Variants in URB1 observed in about 807,000 individuals in gnomAD.
URB1 encodes nucleolar pre-ribosomal-associated protein 1.
URB1 carries 197 observed loss-of-function variants against 242.3 expected under a neutral mutation model. The ratio of observed to expected loss-of-function variants is 0.81; its 90% CI spans 0.72 to 0.91. The LOEUF is 0.91. Ranked by LOEUF, URB1 falls within the 40% of genes least tolerant of loss-of-function variation. The pLI is 0.00. For missense variants in URB1, 2,721 were observed against 2,860.5 expected (o/e 0.95, Z 1.11); for synonymous variants, 1,153 against 1,201.8 (o/e 0.96, Z 0.84).
intron 1 of URB1, among the ~76,000 whole-genome samples, chr21:32,392,314 A>G (rs938761940): frequency 1.3e-5 from 2 of 152,166 alleles, no homozygotes; most frequent in Admixed American, 1.3e-4. Context: ...GGTGGCTTCT[A>G]GTAGCTTGTT....
Position 32,357,622 on chromosome 21 carries a change from C to G in URB1, c.1904G>C (p.Arg635Pro). 1 of 1,516,068 alleles carries G rather than the reference C, an allele frequency of 6.6e-7. No individual in the cohort carries two copies. Among genetic ancestry groups the G allele is most frequent in the Non-Finnish European group, 8.8e-7 (1 of 1,132,974 alleles). 93.9% of individuals were successfully genotyped at this position (1,516,068 alleles called of 1,614,324 possible). A position where few individuals can be genotyped will look rare whatever the true frequency, so the allele number is the denominator to read the frequency against. Residue 635 changes from arginine to proline, a missense_variant, in exon 15 of 39, where the codon CGA (arginine) becomes CCA (proline). Coordinates refer to ENST00000382751, the MANE Select transcript of URB1 (RefSeq NM_014825.3). Reference protein sequence around the residue: ...GPDAEIIGGERSVFYLLMKMF... With the variant: ...GPDAEIIGGEPSVFYLLMKMF... ...TTTCATTAGTAAGTAAAATACTGAT[C>G]GTTCACCTCCAATAATTTCTGCATC...
At chr21:32,321,446 G>C (rs1247064658) in intron 34 of URB1, among the ~76,000 whole-genome samples, 3 of 152,078 alleles carry the variant, frequency 2.0e-5, no homozygotes, top group African/African-American at 4.8e-5. Context: ...ACTGACAGGG[G>C]GTTTCTAGAC....
intron 8 of URB1, among the ~76,000 whole-genome samples, chr21:32,369,790 G>A (rs138913674): frequency 6.6e-6 from 1 of 152,050 alleles, no homozygotes; most frequent in Non-Finnish European, 1.5e-5. Context: ...TCATTTAGCA[G>A]ATGAAAGAAG....
chr21:32,352,964 C>CTA lies in URB1; in HGVS notation c.2417-60_2417-59dup, dbSNP rs2033175493. The CTA allele has an allele frequency of 3.4e-6, 5 of 1,465,648 alleles. No homozygotes were observed. The South Asian group carries it at 7.0e-5, about 21-fold the overall frequency. The allele number at this position is 1,465,648 out of a possible 1,614,324, so 90.8% of individuals were successfully genotyped here. Reference sequence around the variant, plus strand: ...CTGGCTGGGCCCACCCTTCTGTGACCTACCAACACCACCTTCTTCCACATA... The same window carrying CTA: ...CTGGCTGGGCCCACCCTTCTGTGACCTATACCAACACCACCTTCTTCCACATA... On this transcript the variant is annotated intron_variant, in intron 18 of 38. Coordinates refer to ENST00000382751, the MANE Select transcript of URB1 (RefSeq NM_014825.3).
At chr21:32,381,835 A>G (rs1278952157) in intron 4 of URB1, among the ~76,000 whole-genome samples, 1 of 152,206 alleles carries the variant, frequency 6.6e-6, no homozygotes, top group East Asian at 1.9e-4. Flanking sequence ...GGGTGGGGAC[A>G]GTGGCTGAAG....
Position 32,314,927 on chromosome 21 carries a change from T to C in URB1, c.6807A>G (p.Ser2269=). The change falls in exon 39 of 39, where the codon TCA becomes TCG. Residue 2269 remains serine, a synonymous_variant. Coordinates refer to ENST00000382751, the MANE Select transcript of URB1 (RefSeq NM_014825.3). ...TGCTGGCCGGCAGGAGTCAAGCATCTGAGGCTGCGCTGGCGGCGTCCTTGC... is the reference window on the plus strand; with the variant it reads ...TGCTGGCCGGCAGGAGTCAAGCATCCGAGGCTGCGCTGGCGGCGTCCTTGC... ...VLCKDAASAA[S]DA 1 of 1,550,682 alleles carries C rather than the reference T, an allele frequency of 6.4e-7. No homozygotes were observed. The highest frequency in any genetic ancestry group is 8.7e-7 in the Non-Finnish European group (1 of 1,146,486).
chr21:32,385,499 C>T lies in URB1; in HGVS notation c.282+46G>A, dbSNP rs374374270. ...TTTTCCTCATCAAACTTAACAGCAG[C>T]ATTAACTTTTCTTCTCTTCATCAAG... On this transcript the variant is annotated intron_variant, in intron 2 of 38. Transcript: ENST00000382751. 72 of 1,530,588 alleles carry T rather than the reference C, an allele frequency of 4.7e-5. No individual in the cohort carries two copies. The African/African-American group carries it at 9.0e-4, about 19-fold the overall frequency. The allele number at this position is 1,530,588 out of a possible 1,614,324, so 94.8% of individuals were successfully genotyped here.
intron 19 of URB1, among the ~76,000 whole-genome samples, chr21:32,351,703 C>T (rs1337678432): frequency 6.6e-6 from 1 of 152,202 alleles, no homozygotes; most frequent in Non-Finnish European, 1.5e-5. Context: ...AGAACCACTG[C>T]TAAGTCTTAT....
intron 19 of URB1, among the ~76,000 whole-genome samples, chr21:32,351,351 AG>A (rs1446113598): frequency 6.6e-6 from 1 of 152,210 alleles, no homozygotes; most frequent in Admixed American, 6.5e-5. Context: ...TCTTGTTAGA[AG>A]GACAGAAGAT....
intron 1 of URB1, among the ~76,000 whole-genome samples, chr21:32,391,409 C>T (rs1218954163): frequency 1.3e-5 from 2 of 151,986 alleles, no homozygotes; most frequent in Non-Finnish European, 2.9e-5. Flanking sequence ...TCAGGGGAGC[C>T]TTCTTTGAGC....
At chr21:32,370,057 T>C (rs2033390661) in intron 8 of URB1, among the ~76,000 whole-genome samples, 1 of 149,810 alleles carries the variant, frequency 6.7e-6, no homozygotes, top group Admixed American at 6.6e-5. Context: ...AATCCCAGGA[T>C]CCACACAGCC....
chr21:32,320,722 G>GCACCATACCATTAATTT, intron 34 of URB1, 82 bp from the exon 35 acceptor site: 4 of 1,013,008 alleles, frequency 3.9e-6, no homozygotes, highest in Non-Finnish European at 5.9e-6. Flanking sequence ...AAAATTAATG[G>GCACCATACCATTAATTT]TATGGTGCCA....
chr21:32,316,920 C>T lies in URB1; in HGVS notation c.6180G>A (p.Arg2060=). 3.2e-6 allele frequency: 5 copies of T among 1,551,732 alleles called. No homozygotes were observed. Among genetic ancestry groups the T allele is most frequent in the Non-Finnish European group, 4.4e-6 (5 of 1,147,000 alleles). ...CTGGTCTCCAGTAAGTCAAGATGGA[C>T]CTCAGGAGGCCCTTGCATGTCTCCA... The part of the protein sequence containing the change: ...STLETCKGLL[R]SILTYWRPVI... Residue 2060 remains arginine (R), a synonymous_variant, in exon 38 of 39, where the codon AGG becomes AGA. Transcript: ENST00000382751.
At chr21:32,389,001 T>C (rs1260525040) in intron 1 of URB1, among the ~76,000 whole-genome samples, 3 of 152,194 alleles carry the variant, frequency 2.0e-5, no homozygotes, top group African/African-American at 7.2e-5. Flanking sequence ...TGAGTATTTA[T>C]TAAGCACCTA....
chr21:32,374,805 G>T (rs2033441792), intron 6 of URB1, among the ~76,000 whole-genome samples: 1 of 152,182 alleles, frequency 6.6e-6, no homozygotes, highest in South Asian at 2.1e-4. Flanking sequence ...ATTGACAAAT[G>T]TCCCGTAGAA....
At chr21:32,345,256 C>G (rs535481930) in intron 23 of URB1, 118 bp downstream of exon 23, 1 of 1,131,674 alleles carries the variant, frequency 8.8e-7, no homozygotes, top group African/African-American at 1.6e-5. Context: ...ATAGGAACTG[C>G]CTGATCACAG....
Position 32,311,689 on chromosome 21 carries a change from G to T in URB1, c.*3229C>A, listed in dbSNP as rs2032576551. The stretch of plus-strand genomic sequence containing the variant: ...CCACTCTGCTCTGTTCACAGGAACA[G>T]CCCCAAGCACCACCAAACATGCCCC... On this transcript the variant is annotated 3_prime_UTR_variant, in exon 39 of 39. Transcript: ENST00000382751. The T allele has an allele frequency of 3.1e-6, 5 of 1,613,940 alleles. No individual in the cohort carries two copies. The highest frequency in any genetic ancestry group is 4.2e-6 in the Non-Finnish European group (5 of 1,179,950).
chr21:32,331,894 C>T (rs1412643286), intron 30 of URB1, among the ~76,000 whole-genome samples: 2 of 152,216 alleles, frequency 1.3e-5, no homozygotes, highest in African/African-American at 4.8e-5. Flanking sequence ...AGTGACAGTA[C>T]ACTCCTCCTG....
Position 32,384,987 on chromosome 21 carries a change from GAAAGAAAAGA to G in URB1, c.283-533_283-524del, listed in dbSNP as rs746904954. On this transcript the variant is annotated intron_variant, in intron 2 of 38. Coordinates refer to ENST00000382751, the MANE Select transcript of URB1 (RefSeq NM_014825.3). ...CAGAGTGAGACTCCGTCTCAAAAATGAAAGAAAAGAAAAGAAAAGAAAAGAAAGAAAGAAA... is the reference window on the plus strand; with the variant it reads ...CAGAGTGAGACTCCGTCTCAAAAATGAAAGAAAAGAAAAGAAAGAAAGAAA... Among the ~76,000 whole-genome samples, 94 of 147,424 alleles carry G rather than the reference GAAAGAAAAGA, an allele frequency of 6.4e-4. 1 individual carries two copies. The highest frequency in any genetic ancestry group is 2.2e-3 in the Admixed American group (32 of 14,810).
Sources: gnomAD v4.1 joint callset for allele counts (sites outside exome capture counted in the v4.1 genomes callset) on GRCh38, gnomAD v4.1.1 for gene constraint, MANE v1.5 for transcripts, NCBI Gene and HGNC (gene_info 2026-07-23, HGNC 2026-07-21) for gene names.